ANAPC5: variants seen among roughly 807,000 people sequenced by gnomAD.
The protein encoded by ANAPC5 is anaphase-promoting complex subunit 5.
In ANAPC5, 60 loss-of-function variants were observed where a neutral mutation model predicts 91.3. The ratio of observed to expected loss-of-function variants is 0.66; its 90% CI spans 0.53 to 0.81. The LOEUF is 0.81. Among genes scored for constraint, ANAPC5 ranks in the 40% least tolerant of loss-of-function variants. The pLI is 0.00. For synonymous variants in ANAPC5, 340 were observed against 364.1 expected, an observed-to-expected ratio of 0.93 and a Z score of 0.75; for missense variants, 690 against 931.5, an observed-to-expected ratio of 0.74 and a Z score of 3.37.
At chr12:121,313,703 C>G in intron 15 of ANAPC5, among the ~76,000 whole-genome samples, 1 of 152,108 alleles carries the variant, frequency 6.6e-6, no homozygotes, top group East Asian at 1.9e-4. Context: ...ACTCAAGAAA[C>G]AGGAAATCTG....
intron 5 of ANAPC5, among the ~76,000 whole-genome samples, chr12:121,341,087 C>T (rs991342097): frequency 2.0e-5 from 3 of 151,784 alleles, no homozygotes; most frequent in Non-Finnish European, 4.4e-5. Context: ...CCCAGCACTT[C>T]GGGAGGCAGA....
intron 9 of ANAPC5, among the ~76,000 whole-genome samples, chr12:121,329,637 T>G (rs1902957909): frequency 1.3e-5 from 2 of 149,094 alleles, no homozygotes; most frequent in South Asian, 4.3e-4. Flanking sequence ...TTTTTTGAGA[T>G]GGAATTTCAT....
intron 8 of ANAPC5, 167 bp downstream of exon 8, chr12:121,331,171 TTAAGAAAGG>T (rs1298731847): frequency 5.6e-6 from 3 of 538,956 alleles, no homozygotes; most frequent in Non-Finnish European, 1.0e-5. Context: ...ATGTCATGAA[TTAAGAAAGG>T]TAAGTAAAGA....
At chr12:121,312,624 T>G (rs1193957834) in intron 15 of ANAPC5, among the ~76,000 whole-genome samples, 1 of 150,250 alleles carries the variant, frequency 6.7e-6, no homozygotes, top group Non-Finnish European at 1.5e-5. Context: ...GAAGAATCAC[T>G]TGAGCCTGGG....
Position 121,318,289 on chromosome 12 carries a change from C to A in ANAPC5, c.1881G>T (p.Leu627Phe). 2 of 1,534,744 alleles carry A rather than the reference C, an allele frequency of 1.3e-6. No homozygotes were observed. The highest frequency in any genetic ancestry group is 2.5e-5 in the South Asian group (2 of 79,352). ...QYLASETVLN[L>F]AFAQLILGIP... ...GAGATCGGCTTACCTGCGCAAAAGC[C>A]AAGTTCAGCACTGTTTCAGAGGCCA... is the stretch of plus-strand genomic sequence containing the variant. The change falls in exon 15 of 17, where the codon TTG becomes TTT. Residue 627 changes from leucine (L) to phenylalanine (F), a missense_variant. Transcript: ENST00000261819.
At chr12:121,328,632 AACCTGGCC>A in intron 9 of ANAPC5, 135 bp from the exon 10 acceptor site, 1 of 806,158 alleles carries the variant, frequency 1.2e-6, no homozygotes. Flanking sequence ...AAGTACCTAT[AACCTGGCC>A]TTAACCCTGA....
rs571321422 is a variant in ANAPC5 at position 121,342,274 on chromosome 12, T to G, written c.591-205A>C. 9.7e-4 allele frequency among the ~76,000 whole-genome samples: 148 copies of G among 152,236 alleles called. 2 individuals carry two copies. The highest frequency in any genetic ancestry group is 1.7e-3 in the Admixed American group (26 of 15,284). ...AGCCCTGGCATGCATGGTCAAATGG[T>G]TTTTGGCAACAGTGCCAAGACCATT... is the stretch of plus-strand genomic sequence containing the variant. On this transcript the variant is annotated intron_variant, in intron 4 of 16. Transcript: ENST00000261819. The surrounding 1 kb of genome is among the most constrained non-coding windows in gnomAD (Gnocchi z 4.1).
chr12:121,322,831 T>C (rs1284705318), intron 11 of ANAPC5, among the ~76,000 whole-genome samples: 1 of 152,116 alleles, frequency 6.6e-6, no homozygotes, highest in Non-Finnish European at 1.5e-5. Flanking sequence ...GAGACCAGCC[T>C]GGCCAACATG....
chr12:121,308,346 A>C lies in ANAPC5; in HGVS notation c.*134T>G. On this transcript the variant is annotated 3_prime_UTR_variant, in exon 17 of 17. Coordinates refer to ENST00000261819, the MANE Select transcript of ANAPC5 (RefSeq NM_016237.5). Reference sequence around the variant, plus strand: ...CAAATACGTAGTTACTAGCAACAAAATAAGACAAACTAATCAGAATGCTGT... The same window carrying C: ...CAAATACGTAGTTACTAGCAACAAACTAAGACAAACTAATCAGAATGCTGT... 1 of 732,590 alleles carries C rather than the reference A, an allele frequency of 1.4e-6. No individual in the cohort carries two copies. The allele number at this position is 732,590 out of a possible 1,614,324, so 45.4% of individuals were successfully genotyped here.
In ANAPC5 at chr12:121,340,700, G is replaced by C. The variant is rs192558707; in HGVS notation, c.657+1303C>G. Among the ~76,000 whole-genome samples, 260 of 149,946 alleles carry C rather than the reference G, an allele frequency of 1.7e-3. 4 individuals are homozygous for C. The highest frequency in any genetic ancestry group is 6.1e-3 in the African/African-American group (250 of 41,250). On this transcript the variant is annotated intron_variant, in intron 5 of 16. Coordinates refer to ENST00000261819, the MANE Select transcript of ANAPC5 (RefSeq NM_016237.5). ...CCCGAGTAGCTGGGATTACAGACGG[G>C]CATCACCACACCCGGCTAATTTTTG... is the stretch of plus-strand genomic sequence containing the variant.
intron 2 of ANAPC5, 121 bp from the exon 3 acceptor site, chr12:121,347,126 TG>T: frequency 1.8e-6 from 1 of 563,732 alleles, no homozygotes; most frequent in East Asian, 3.2e-5. Flanking sequence ...TTGTATAAAA[TG>T]GTGGCTCATA....
chr12:121,331,465 T>C, intron 7 of ANAPC5, 37 bp from the exon 8 acceptor site: 1 of 1,546,134 alleles, frequency 6.5e-7, no homozygotes, highest in Non-Finnish European at 8.9e-7. Flanking sequence ...CCATTAATAA[T>C]CACAAACATG....
Position 121,335,559 on chromosome 12 carries a change from G to A in ANAPC5, c.924C>T (p.Ala308=), listed in dbSNP as rs537527168. 1.7e-5 allele frequency: 27 copies of A among 1,611,630 alleles called. No individual in the cohort carries two copies. The South Asian group carries it at 2.3e-4, about 14-fold the overall frequency. Residue 308 remains alanine (A), a synonymous_variant, in exon 7 of 17, where the codon GCC becomes GCT. Coordinates refer to ENST00000261819, the MANE Select transcript of ANAPC5 (RefSeq NM_016237.5). Reference sequence around the variant, plus strand: ...AGTGACCGAAGCGGCAGTGCAGGGCGGCAAGATTCAGAGCGGCGTATCTCA... The same window carrying A: ...AGTGACCGAAGCGGCAGTGCAGGGCAGCAAGATTCAGAGCGGCGTATCTCA... The part of the protein sequence containing the change: ...RSLRYAALNL[A]ALHCRFGHYQ...
At chr12:121,338,319 G>A (rs929115155) in intron 5 of ANAPC5, among the ~76,000 whole-genome samples, 8 of 152,004 alleles carry the variant, frequency 5.3e-5, no homozygotes, top group Non-Finnish European at 1.0e-4. Context: ...GCCAGGCGTG[G>A]TGGCTCACAC....
intron 15 of ANAPC5, 90 bp downstream of exon 15, chr12:121,318,187 T>A (rs1231565444): frequency 1.0e-5 from 14 of 1,374,920 alleles, no homozygotes; most frequent in Non-Finnish European, 1.2e-5. Flanking sequence ...AAATGAAAAC[T>A]CATTATTATC....
rs782735998 is a variant in ANAPC5, at chr12:121,342,044, G to A, written c.616C>T (p.Pro206Ser). ...VREEEVSCSG[P>S]LSQKQAEFFL... ...AATTCTGCTTGTTTTTGGGACAGAG[G>A]CCCACTGCAAGATACCTCCTCTTCT... The change falls in exon 5 of 17, where the codon CCT (proline) becomes TCT (serine). Residue 206 changes from proline (P) to serine (S), a missense_variant. Coordinates refer to ENST00000261819, the MANE Select transcript of ANAPC5 (RefSeq NM_016237.5). This position sits in a 1 kb window ranked among gnomAD's most constrained non-coding sequence, Gnocchi z 4.1. 1 of 1,609,484 alleles carries A rather than the reference G, an allele frequency of 6.2e-7. No homozygotes were observed. Among genetic ancestry groups the A allele is most frequent in the Non-Finnish European group, 8.5e-7 (1 of 1,179,102 alleles).
chr12:121,333,346 T>G (rs1321477449), intron 7 of ANAPC5: 1 of 152,110 alleles, frequency 6.6e-6, no homozygotes, highest in African/African-American at 2.4e-5. Flanking sequence ...ATTAATTAAA[T>G]AAAGATTATT....
At chr12:121,316,173 CAAT>C (rs1902352190) in intron 15 of ANAPC5, among the ~76,000 whole-genome samples, 1 of 151,878 alleles carries the variant, frequency 6.6e-6, no homozygotes, top group South Asian at 2.1e-4. Context: ...TGCAAATGGC[CAAT>C]AAGCACATGA....
rs1903894048 is a variant in ANAPC5, at chr12:121,351,575, A to T, written c.207+559T>A. Among the ~76,000 whole-genome samples, 6 of 150,800 alleles carry T rather than the reference A, an allele frequency of 4.0e-5. No homozygotes were observed. In the South Asian group the frequency reaches 1.3e-3, roughly 32 times the overall value. On this transcript the variant is annotated intron_variant, in intron 1 of 16. Coordinates refer to ENST00000261819, the MANE Select transcript of ANAPC5 (RefSeq NM_016237.5). Reference sequence around the variant, plus strand: ...CAGGTTCTAGCGATTCTCCTGCCTCAGCCTCCCGAGTAGCTGAAATTACAG... The same window carrying T: ...CAGGTTCTAGCGATTCTCCTGCCTCTGCCTCCCGAGTAGCTGAAATTACAG...
Sources: allele counts gnomAD v4.1 joint callset (sites outside exome capture counted in the v4.1 genomes callset), GRCh38; gene constraint gnomAD v4.1.1; non-coding constraint Gnocchi (gnomAD v3.1); transcripts MANE v1.5; gene names NCBI Gene and HGNC (gene_info 2026-07-23, HGNC 2026-07-21).